The following CCSER1 variants were observed in gnomAD, a reference collection of about 807,000 sequenced individuals.
CCSER1 encodes coiled-coil serine rich protein 1.
CCSER1 carries 41 observed loss-of-function variants against 82.0 expected under a neutral mutation model. The ratio of observed to expected loss-of-function variants is 0.50; its 90% CI spans 0.39 to 0.65. CCSER1 has a LOEUF of 0.65. Ranked by LOEUF, CCSER1 falls within the 30% of genes least tolerant of loss-of-function variation. The pLI, the probability that CCSER1 is intolerant of heterozygous loss-of-function variation, is 0.00. For synonymous variants in CCSER1, 414 were observed against 383.9 expected (o/e 1.08, Z -0.92); for missense variants, 1,119 against 1,064.2 (o/e 1.05, Z -0.72).
chr4:90,881,853 C>CTAAGTGTGT lies in CCSER1; in HGVS notation c.2095-41517_2095-41516insTAAGTGTGT, dbSNP rs1474317742. Among the ~76,000 whole-genome samples the CTAAGTGTGT allele has an allele frequency of 2.0e-4, 31 of 152,200 alleles. 1 individual carries two copies. The highest frequency in any genetic ancestry group is 2.9e-4 in the Non-Finnish European group (20 of 67,996). ...ATCCCACTTCATCTCCCTACTCTTC[C>CTAAGTGTGT]CCTGTCTATTCCACTCTCAAAATTC... On this transcript the variant is annotated intron_variant, in intron 8 of 10. Coordinates refer to ENST00000509176, the MANE Select transcript of CCSER1 (RefSeq NM_001145065.2).
intron 8 of CCSER1, among the ~76,000 whole-genome samples, chr4:90,902,330 C>A (rs1333510807): frequency 6.6e-6 from 1 of 151,894 alleles, no homozygotes; most frequent in African/African-American, 2.4e-5. Flanking sequence ...TGCTAGATAG[C>A]TAGTATGATC....
At chr4:91,037,210 T>A (rs1346179121) in intron 9 of CCSER1, among the ~76,000 whole-genome samples, 1 of 150,098 alleles carries the variant, frequency 6.7e-6, no homozygotes, top group Non-Finnish European at 1.5e-5. Context: ...CAACACACAA[T>A]CTTTGTGTCT....
chr4:90,222,019 A>G (rs1334299107), intron 1 of CCSER1, among the ~76,000 whole-genome samples: 1 of 152,152 alleles, frequency 6.6e-6, no homozygotes, highest in East Asian at 1.9e-4. Flanking sequence ...ACTCTGTAAC[A>G]GTAGTACAAG....
chr4:90,730,454 C>T (rs1335790925), intron 7 of CCSER1, among the ~76,000 whole-genome samples: 1 of 152,088 alleles, frequency 6.6e-6, no homozygotes, highest in Non-Finnish European at 1.5e-5. Context: ...TTGTCAAGTA[C>T]CTACCATGTT....
intron 10 of CCSER1, among the ~76,000 whole-genome samples, chr4:91,591,397 T>C (rs753114465): frequency 4.6e-5 from 7 of 152,092 alleles, no homozygotes; most frequent in Non-Finnish European, 7.4e-5. Flanking sequence ...GATGTATTTG[T>C]AATTAATTAA....
intron 10 of CCSER1, among the ~76,000 whole-genome samples, chr4:91,477,073 A>G (rs1457414852): frequency 6.6e-6 from 1 of 151,768 alleles, no homozygotes; most frequent in East Asian, 1.9e-4. Flanking sequence ...CAAATGGATT[A>G]CATCATGCTA....
chr4:91,589,532 A>G (rs1170347251), intron 10 of CCSER1, among the ~76,000 whole-genome samples: 1 of 150,838 alleles, frequency 6.6e-6, no homozygotes, highest in Non-Finnish European at 1.5e-5. Context: ...ATTACATAAT[A>G]TGTGCTAGGT....
chr4:90,432,108 T>A (rs74773056), intron 4 of CCSER1, among the ~76,000 whole-genome samples: 2,042 of 152,196 alleles, frequency 0.013, 42 homozygotes, highest in African/African-American at 0.046. Flanking sequence ...AATACTGTTT[T>A]GAAAGGATCA....
At chr4:91,263,666 T>C (rs1214950307) in intron 10 of CCSER1, among the ~76,000 whole-genome samples, 1 of 151,976 alleles carries the variant, frequency 6.6e-6, no homozygotes, top group Admixed American at 6.6e-5. Flanking sequence ...ATTTTAAATA[T>C]TGGGCATTAG....
chr4:91,028,975 C>A (rs965946960), intron 9 of CCSER1, among the ~76,000 whole-genome samples: 7 of 152,016 alleles, frequency 4.6e-5, no homozygotes, highest in African/African-American at 1.7e-4. Flanking sequence ...GAACTAAAAT[C>A]TCCTCTAAAG....
intron 1 of CCSER1, among the ~76,000 whole-genome samples, chr4:90,132,814 TATTA>T (rs1015536435): frequency 1.3e-5 from 2 of 152,216 alleles, no homozygotes; most frequent in African/African-American, 4.8e-5. Flanking sequence ...TCTTTTCAAA[TATTA>T]ATTAAAGTTA....
At chr4:90,389,925 T>C (rs1327869272) in intron 3 of CCSER1, among the ~76,000 whole-genome samples, 5 of 152,204 alleles carry the variant, frequency 3.3e-5, no homozygotes, top group Admixed American at 3.3e-4. Flanking sequence ...GTAATTCTTT[T>C]GAGAAAAGCT....
At chr4:90,698,957 C>A (rs1369052889) in intron 6 of CCSER1, among the ~76,000 whole-genome samples, 2 of 151,912 alleles carry the variant, frequency 1.3e-5, no homozygotes, top group Non-Finnish European at 2.9e-5. Context: ...AAAAAATTAA[C>A]CAGGGTGGTG....
At chr4:90,443,733 G>C (rs904576180) in intron 4 of CCSER1, among the ~76,000 whole-genome samples, 1 of 151,916 alleles carries the variant, frequency 6.6e-6, no homozygotes. Flanking sequence ...AAAGATTGAA[G>C]TCATTAAGCG....
At chr4:90,544,077 A>G (rs1776451620) in intron 5 of CCSER1, among the ~76,000 whole-genome samples, 1 of 152,136 alleles carries the variant, frequency 6.6e-6, no homozygotes, top group East Asian at 1.9e-4. Context: ...TTCCCAGGGG[A>G]CTACCGGATG....
chr4:90,262,155 A>C (rs900087990), intron 1 of CCSER1, among the ~76,000 whole-genome samples: 7 of 151,888 alleles, frequency 4.6e-5, no homozygotes, highest in Non-Finnish European at 8.8e-5. Context: ...TTTTTTGGGG[A>C]TATTAAAGAA....
At chr4:91,353,813 T>G (rs1289705116) in intron 10 of CCSER1, among the ~76,000 whole-genome samples, 1 of 152,192 alleles carries the variant, frequency 6.6e-6, no homozygotes, top group South Asian at 2.1e-4. Context: ...ATTACTATGA[T>G]TACTTTTATT....
chr4:91,277,765 G>T (rs1742597967), intron 10 of CCSER1, among the ~76,000 whole-genome samples: 1 of 151,350 alleles, frequency 6.6e-6, no homozygotes, highest in Non-Finnish European at 1.5e-5. Context: ...ATTTCTTGAG[G>T]TGCATCATTG....
intron 8 of CCSER1, among the ~76,000 whole-genome samples, chr4:90,881,514 G>A (rs932989539): frequency 1.3e-5 from 2 of 152,172 alleles, no homozygotes; most frequent in African/African-American, 4.8e-5. Context: ...GCTTGCACCT[G>A]TAATCCCAGC....
Sources: gnomAD v4.1 joint callset for allele counts (sites outside exome capture counted in the v4.1 genomes callset) on GRCh38, gnomAD v4.1.1 for gene constraint, MANE v1.5 for transcripts, NCBI Gene and HGNC (gene_info 2026-07-23, HGNC 2026-07-21) for gene names.